Variants in ZNF486 observed in about 807,000 individuals in gnomAD.
ZNF486 encodes zinc finger protein 486.
A neutral mutation model predicts 12.8 loss-of-function variants in ZNF486; 12 were observed. The ratio of observed to expected loss-of-function variants is 0.94; its 90% CI spans 0.60 to 1.52. ZNF486 has a LOEUF of 1.52. ZNF486 is among the 40% of genes most tolerant of loss of function. The pLI is 0.00. For synonymous variants in ZNF486, 231 were observed against 184.9 expected (o/e 1.25, Z -2.02); for missense variants, 738 against 545.0 (o/e 1.35, Z -3.53).
chr19:20,191,082 T>C (rs1384488092), intron 3 of ZNF486, among the ~76,000 whole-genome samples: 2 of 152,184 alleles, frequency 1.3e-5, no homozygotes, highest in African/African-American at 4.8e-5. Context: ...TCCACCATGA[T>C]TGTAAGTTTC....
At position 20,197,463 on chromosome 19, in the gene ZNF486, T is replaced by C. The variant is rs782059835; in HGVS notation, c.753T>C (p.Ser251=). 6.2e-7 allele frequency: 1 copy of C among 1,608,122 alleles called. No individual in the cohort carries two copies. The highest frequency in any genetic ancestry group is 1.7e-5 in the Admixed American group (1 of 59,528). ...GTGGCAAAGTCTTTAAGTACTTCTCTAGCTTTACTACACATAAGAAAATTC... is the reference window on the plus strand; with the variant it reads ...GTGGCAAAGTCTTTAAGTACTTCTCCAGCTTTACTACACATAAGAAAATTC... ...EECGKVFKYF[S]SFTTHKKIHS... is the part of the protein sequence containing the mutation. Residue 251 remains serine, a synonymous_variant, in exon 4 of 4, where the codon TCT becomes TCC. Coordinates refer to ENST00000335117, the MANE Select transcript of ZNF486 (RefSeq NM_052852.4).
rs1555716549 is a variant in ZNF486 at position 20,186,829 on chromosome 19, G to A, written c.253+747G>A. Reference sequence around the variant, plus strand: ...GAAGGAGTCTTGCTCTGTTGCCCAGGCTGGAGTGCAGTGGTGTGATCTTGG... The same window carrying A: ...GAAGGAGTCTTGCTCTGTTGCCCAGACTGGAGTGCAGTGGTGTGATCTTGG... On this transcript the variant is annotated intron_variant, in intron 3 of 3. Coordinates refer to ENST00000335117, the MANE Select transcript of ZNF486 (RefSeq NM_052852.4). Among the ~76,000 whole-genome samples, 5 of 137,230 alleles carry A rather than the reference G, an allele frequency of 3.6e-5. 1 individual carries two copies. The East Asian group carries it at 1.2e-3, about 33-fold the overall frequency. 90.0% of individuals were successfully genotyped at this position (137,230 alleles called of 152,430 possible).
intron 3 of ZNF486, among the ~76,000 whole-genome samples, chr19:20,196,313 G>A (rs2089957640): frequency 6.6e-6 from 1 of 152,124 alleles, no homozygotes. Flanking sequence ...ATCATGCCTT[G>A]TTGGCAATTT....
In ZNF486 at chr19:20,197,384, T is replaced by C. The variant is rs1471949879; in HGVS notation, c.674T>C (p.Leu225Pro). 1.2e-6 allele frequency: 2 copies of C among 1,613,174 alleles called. No homozygotes were observed. Among genetic ancestry groups the C allele is most frequent in the African/African-American group, 2.7e-5 (2 of 74,884 alleles). ...AAAGCCTTCAACCGGTCCTCACACC[T>C]TACTACACATAAGATAACTCATACT... is the stretch of plus-strand genomic sequence containing the variant. ...CGKAFNRSSH[L>P]TTHKITHTRE... The change falls in exon 4 of 4, where the codon CTT (leucine) becomes CCT (proline). Residue 225 changes from leucine to proline, a missense_variant. Coordinates refer to ENST00000335117, the MANE Select transcript of ZNF486 (RefSeq NM_052852.4).
chr19:20,193,103 A>C (rs1568326260), intron 3 of ZNF486, among the ~76,000 whole-genome samples: 1 of 152,144 alleles, frequency 6.6e-6, no homozygotes, highest in Non-Finnish European at 1.5e-5. Context: ...TGAAAACTGG[A>C]GATTACATAC....
At position 20,199,374 on chromosome 19, in the gene ZNF486, A is replaced by T. The variant is rs1188538714; in HGVS notation, c.*1272A>T. 1 of 152,204 alleles carries T rather than the reference A, an allele frequency of 6.6e-6. No homozygotes were observed. The highest frequency in any genetic ancestry group is 2.1e-4 in the South Asian group (1 of 4,834). 9.4% of individuals were successfully genotyped at this position (152,204 alleles called of 1,614,324 possible). A position where few individuals can be genotyped will look rare whatever the true frequency, so the allele number is the denominator to read the frequency against. ...AAGCGGTTGCCAAACTTTGTGCAACATCAGGGAATGTATATTGAAGAAGAT... is the reference window on the plus strand; with the variant it reads ...AAGCGGTTGCCAAACTTTGTGCAACTTCAGGGAATGTATATTGAAGAAGAT... On this transcript the variant is annotated 3_prime_UTR_variant, in exon 4 of 4. Transcript: ENST00000335117.
intron 1 of ZNF486, among the ~76,000 whole-genome samples, chr19:20,167,741 C>A (rs529789071): frequency 1.3e-5 from 2 of 152,102 alleles, no homozygotes; most frequent in African/African-American, 4.8e-5. Flanking sequence ...TTTCTCTTTT[C>A]TTTTGTTAAA....
At chr19:20,187,160 A>G (rs2089856786) in intron 3 of ZNF486, among the ~76,000 whole-genome samples, 2 of 152,122 alleles carry the variant, frequency 1.3e-5, no homozygotes, top group South Asian at 2.1e-4. Context: ...GCTATAGTAA[A>G]TAAGATTTTT....
At position 20,177,715 on chromosome 19, in the gene ZNF486, C is replaced by T. The variant is rs1192743653; in HGVS notation, c.31-6641C>T. ...TTAGCCTCCCTAGTAGCTGGGATTGCAGGCATGTGCCACCATGCCTGGTTA... is the reference window on the plus strand; with the variant it reads ...TTAGCCTCCCTAGTAGCTGGGATTGTAGGCATGTGCCACCATGCCTGGTTA... On this transcript the variant is annotated intron_variant, in intron 1 of 3. Coordinates refer to ENST00000335117, the MANE Select transcript of ZNF486 (RefSeq NM_052852.4). Among the ~76,000 whole-genome samples the T allele has an allele frequency of 4.6e-5, 7 of 152,110 alleles. No homozygotes were observed. The East Asian group carries it at 9.6e-4, about 21-fold the overall frequency.
rs2089593573 is a variant in ZNF486, at chr19:20,167,274, A to G, written c.-57A>G. On this transcript the variant is annotated 5_prime_UTR_variant, in exon 1 of 4. Transcript: ENST00000335117. ...TCGCTACTCTGTGTCCTCTGCTCCT[A>G]GAGGCCCACCCTCTGTGGCCCTGTG... is the stretch of plus-strand genomic sequence containing the variant. 1.9e-6 allele frequency: 3 copies of G among 1,610,916 alleles called. No individual in the cohort carries two copies. The East Asian group carries it at 6.7e-5, about 36-fold the overall frequency.
chr19:20,187,695 G>A (rs535416962), intron 3 of ZNF486, among the ~76,000 whole-genome samples: 103 of 151,964 alleles, frequency 6.8e-4, no homozygotes, highest in African/African-American at 2.2e-3. Flanking sequence ...ATTAGAGACA[G>A]GGTTTCACCG....
intron 1 of ZNF486, among the ~76,000 whole-genome samples, chr19:20,169,953 C>A (rs1462279998): frequency 1.4e-5 from 2 of 146,214 alleles, no homozygotes; most frequent in Non-Finnish European, 1.5e-5. Context: ...TGCAGTGGCG[C>A]GATCTCGGCT....
chr19:20,194,529 C>G (rs1204234879), intron 3 of ZNF486, among the ~76,000 whole-genome samples: 2 of 152,156 alleles, frequency 1.3e-5, no homozygotes, highest in Non-Finnish European at 2.9e-5. Context: ...AAGTTTGAGA[C>G]CAGCCAGGCT....
At chr19:20,193,503 A>C (rs1475463056) in intron 3 of ZNF486, among the ~76,000 whole-genome samples, 1 of 151,960 alleles carries the variant, frequency 6.6e-6, no homozygotes, top group South Asian at 2.1e-4. Flanking sequence ...CTACTAAAAA[A>C]TACAAACATT....
intron 3 of ZNF486, chr19:20,188,465 C>T: frequency 2.5e-6 from 1 of 398,464 alleles, no homozygotes; most frequent in Non-Finnish European, 4.4e-6. Context: ...AGGAGGATCC[C>T]TGGAGCCCAA....
At chr19:20,177,422 C>T (rs2089732023) in intron 1 of ZNF486, among the ~76,000 whole-genome samples, 2 of 152,218 alleles carry the variant, frequency 1.3e-5, no homozygotes. Flanking sequence ...CAGATGGCCT[C>T]TTCAATTTCC....
intron 1 of ZNF486, among the ~76,000 whole-genome samples, chr19:20,174,085 T>C (rs1311185032): frequency 4.6e-5 from 7 of 152,292 alleles, no homozygotes; most frequent in South Asian, 4.1e-4. Context: ...TAAAAGCTAA[T>C]TTTAAGGGCA....
chr19:20,183,108 C>G (rs1032357459), intron 1 of ZNF486, among the ~76,000 whole-genome samples: 1 of 152,160 alleles, frequency 6.6e-6, no homozygotes, highest in Non-Finnish European at 1.5e-5. Flanking sequence ...TATCCCAGAG[C>G]TTTCTCTGCA....
chr19:20,176,385 C>T (rs1284664181), intron 1 of ZNF486: 2 of 157,472 alleles, frequency 1.3e-5, no homozygotes, highest in East Asian at 1.8e-4. Context: ...AGACGATGGG[C>T]GGCCAGGCAG....
Sources: allele counts gnomAD v4.1 joint callset (sites outside exome capture counted in the v4.1 genomes callset), GRCh38; gene constraint gnomAD v4.1.1; transcripts MANE v1.5; gene names NCBI Gene and HGNC (gene_info 2026-07-23, HGNC 2026-07-21).